Variants in STXBP4 observed in about 807,000 individuals in gnomAD.
STXBP4 encodes syntaxin binding protein 4.
In STXBP4, 55 loss-of-function variants were observed where a neutral mutation model predicts 76.1. The ratio of observed to expected loss-of-function variants is 0.72; its 90% confidence interval spans 0.58 to 0.91. STXBP4 has a LOEUF of 0.91. Among genes scored for constraint, STXBP4 ranks in the 40% least tolerant of loss-of-function variants. The probability of loss-of-function intolerance (pLI) is 0.00; values close to 1 mark genes in which losing one functional copy is unlikely to be tolerated. For synonymous variants in STXBP4, 201 were observed against 220.2 expected (o/e 0.91, Z 0.77); for missense variants, 618 against 636.9 (o/e 0.97, Z 0.32).
chr17:55,046,299 C>T (rs2078787247), intron 11 of STXBP4, among the ~76,000 whole-genome samples: 1 of 151,852 alleles, frequency 6.6e-6, no homozygotes, highest in African/African-American at 2.4e-5. Flanking sequence ...TTTTCATATA[C>T]CTTCATTTCA....
At chr17:54,990,625 G>A (rs1260439417) in intron 3 of STXBP4, among the ~76,000 whole-genome samples, 200 bp from the exon 4 acceptor site, 4 of 152,012 alleles carry the variant, frequency 2.6e-5, no homozygotes, top group South Asian at 2.1e-4. Context: ...GAATCATCCC[G>A]AAACCATCAC....
chr17:55,061,439 C>T (rs1204154101), intron 12 of STXBP4, among the ~76,000 whole-genome samples: 1 of 152,006 alleles, frequency 6.6e-6, no homozygotes, highest in Non-Finnish European at 1.5e-5. Flanking sequence ...TTTTAAGATG[C>T]TATCTCATCT....
At chr17:55,198,646 G>A in the STXBP4 span, among the ~76,000 whole-genome samples, 2 of 152,028 alleles carry the variant, frequency 1.3e-5, no homozygotes, top group African/African-American at 2.4e-5. Context: ...TAAATATAAC[G>A]ACTTTAAATG....
chr17:55,013,616 G>A (rs2078151121), intron 8 of STXBP4, among the ~76,000 whole-genome samples: 1 of 152,186 alleles, frequency 6.6e-6, no homozygotes, highest in African/African-American at 2.4e-5. Flanking sequence ...CCTTCTCTTT[G>A]GAAACCTTGT....
At chr17:55,105,902 G>A (rs2079629188) in intron 16 of STXBP4, among the ~76,000 whole-genome samples, 1 of 152,184 alleles carries the variant, frequency 6.6e-6, no homozygotes, top group Non-Finnish European at 1.5e-5. Context: ...TAGAATAAGT[G>A]CAATGTGTTG....
intron 16 of STXBP4, among the ~76,000 whole-genome samples, chr17:55,099,505 T>C (rs2079537899): frequency 6.6e-6 from 1 of 152,160 alleles, no homozygotes; most frequent in African/African-American, 2.4e-5. Context: ...CTGTATGCAA[T>C]TATAACATAA....
intron 16 of STXBP4, among the ~76,000 whole-genome samples, chr17:55,121,612 T>G (rs1484230870): frequency 6.6e-6 from 1 of 152,150 alleles, no homozygotes; most frequent in Admixed American, 6.5e-5. Flanking sequence ...TGTCTTTTTG[T>G]TTTTGTTTTT....
the STXBP4 span, among the ~76,000 whole-genome samples, chr17:55,207,153 G>A: frequency 3.4e-4 from 52 of 152,078 alleles, no homozygotes; most frequent in East Asian, 1.9e-4. Context: ...GGATCTCTAC[G>A]CATGACGCTC....
chr17:55,136,348 G>GCTGGCTTCTA (rs1218355377), intron 16 of STXBP4, among the ~76,000 whole-genome samples: 1 of 152,062 alleles, frequency 6.6e-6, no homozygotes, highest in African/African-American at 2.4e-5. Context: ...GTATGTTTGA[G>GCTGGCTTCTA]CTGGCTTCTA....
At chr17:55,080,997 A>T in intron 15 of STXBP4, 53 bp from the exon 16 acceptor site, 1 of 1,336,238 alleles carries the variant, frequency 7.5e-7, no homozygotes, top group Non-Finnish European at 9.7e-7. Flanking sequence ...TTTAGTAAAG[A>T]TAGATGTTGT....
chr17:55,053,667 G>A (rs2078889493), intron 12 of STXBP4, among the ~76,000 whole-genome samples: 1 of 151,914 alleles, frequency 6.6e-6, no homozygotes, highest in Non-Finnish European at 1.5e-5. Context: ...CCAATTTTCG[G>A]ACCCTCATTT....
At chr17:55,008,484 C>T (rs1033770059) in intron 8 of STXBP4, among the ~76,000 whole-genome samples, 1 of 151,966 alleles carries the variant, frequency 6.6e-6, no homozygotes, top group African/African-American at 2.4e-5. Flanking sequence ...GCTAAGACAC[C>T]TATAACAAAA....
chr17:55,183,727 G>A, the STXBP4 span, among the ~76,000 whole-genome samples: 5 of 152,108 alleles, frequency 3.3e-5, no homozygotes, highest in Non-Finnish European at 2.9e-5. Flanking sequence ...TGAAAGAAAG[G>A]TAGTATCACT....
downstream of STXBP4, among the ~76,000 whole-genome samples, chr17:55,174,811 A>G (rs1233808115): frequency 1.3e-5 from 2 of 152,186 alleles, no homozygotes; most frequent in Non-Finnish European, 2.9e-5. Context: ...ATATCTACCT[A>G]TCACAATTCA....
chr17:55,154,675 T>C (rs244287), intron 17 of STXBP4, among the ~76,000 whole-genome samples: 99,492 of 152,002 alleles, frequency 0.65, 33,789 homozygotes, highest in African/African-American at 0.84. Context: ...TAGCTCTATA[T>C]AGCAATCCAG....
chr17:55,081,227 A>C lies in STXBP4; in HGVS notation c.1489+44A>C, dbSNP rs755258399. The C allele has an allele frequency of 3.0e-6, 4 of 1,347,506 alleles. No homozygotes were observed. In the South Asian group the frequency reaches 5.8e-5, roughly 20 times the overall value. 83.5% of individuals were successfully genotyped at this position (1,347,506 alleles called of 1,614,324 possible). ...TTCACTTTTTAAAAGTAATTTATTT[A>C]ACAAAACAAATTGAAGTCAGACAGT... On this transcript the variant is annotated intron_variant, in intron 16 of 17. Transcript: ENST00000376352.
intron 12 of STXBP4, among the ~76,000 whole-genome samples, chr17:55,066,044 T>C (rs980132380): frequency 2.0e-5 from 3 of 152,232 alleles, no homozygotes; most frequent in African/African-American, 7.2e-5. Context: ...CTTGAAGTTC[T>C]AGATATCCAT....
At chr17:55,052,254 T>C (rs2078868709) in intron 12 of STXBP4, among the ~76,000 whole-genome samples, 1 of 151,944 alleles carries the variant, frequency 6.6e-6, no homozygotes. Flanking sequence ...TGCCAGAAAA[T>C]AAGGACGTGC....
intron 10 of STXBP4, among the ~76,000 whole-genome samples, chr17:55,036,410 G>A (rs1234041637): frequency 2.0e-5 from 3 of 146,572 alleles, no homozygotes; most frequent in Admixed American, 6.9e-5. Context: ...GTCACCTTAC[G>A]CTTTTTGTTG....
Sources: allele counts gnomAD v4.1 joint callset (sites outside exome capture counted in the v4.1 genomes callset), GRCh38; gene constraint gnomAD v4.1.1; transcripts MANE v1.5; gene names NCBI Gene and HGNC (gene_info 2026-07-23, HGNC 2026-07-21).